SHC3: variants seen among roughly 807,000 people sequenced by gnomAD.
SHC3 encodes the protein SHC adaptor protein 3, also known as SHC-transforming protein 3.
A neutral mutation model predicts 60.4 loss-of-function variants in SHC3; 15 were observed. That is an observed-to-expected ratio of 0.25 (90% CI 0.17 to 0.38). The LOEUF (loss-of-function observed/expected upper bound fraction) is 0.38, where lower values mean the gene tolerates loss of function less well. Among genes scored for constraint, SHC3 ranks in the 10% least tolerant of loss-of-function variants. The pLI is 1.00. For synonymous variants in SHC3, 294 were observed against 325.9 expected (o/e 0.90, Z 1.05); for missense variants, 677 against 786.1 (o/e 0.86, Z 1.66).
chr9:89,160,042 C>T (rs1214395983), intron 1 of SHC3, among the ~76,000 whole-genome samples: 3 of 152,240 alleles, frequency 2.0e-5, no homozygotes, highest in Admixed American at 6.5e-5. Flanking sequence ...AGGGAAATCC[C>T]GGCCATGGGA....
At position 89,008,189 on chromosome 9, in the gene SHC3, C is replaced by A. The variant is rs1325997570; in HGVS notation, c.*5258G>T. Reference sequence around the variant, plus strand: ...TTGCAAACTTATAAATATGTATAAACCCCATTATAAATAAATTATGGCTGG... The same window carrying A: ...TTGCAAACTTATAAATATGTATAAAACCCATTATAAATAAATTATGGCTGG... On this transcript the variant is annotated 3_prime_UTR_variant, in exon 12 of 12. Coordinates refer to ENST00000375835, the MANE Select transcript of SHC3 (RefSeq NM_016848.6). 6.6e-6 allele frequency: 1 copy of A among 152,178 alleles called. No individual in the cohort carries two copies. Among genetic ancestry groups the A allele is most frequent in the East Asian group, 1.9e-4 (1 of 5,202 alleles). 9.4% of individuals were successfully genotyped at this position (152,178 alleles called of 1,614,324 possible). A position where few individuals can be genotyped will look rare whatever the true frequency, so the allele number is the denominator to read the frequency against.
rs894351215 is a variant in SHC3, at chr9:89,089,830, G to T, written c.546-11927C>A. Among the ~76,000 whole-genome samples, 3 of 152,178 alleles carry T rather than the reference G, an allele frequency of 2.0e-5. No individual in the cohort carries two copies. In the East Asian group the frequency reaches 5.8e-4, roughly 29 times the overall value. On this transcript the variant is annotated intron_variant, in intron 2 of 11. Coordinates refer to ENST00000375835, the MANE Select transcript of SHC3 (RefSeq NM_016848.6). The stretch of plus-strand genomic sequence containing the variant: ...AGCAGTCCACACAGCGACCCAGGAG[G>T]TCACACCACAGCCAGCACCTTCTTG...
rs7022911 is a variant in SHC3, at chr9:89,046,831, C to T, written c.1113+13G>A. On this transcript the variant is annotated intron_variant, in intron 8 of 11. Coordinates refer to ENST00000375835, the MANE Select transcript of SHC3 (RefSeq NM_016848.6). ...CTCCATTCCTTATATAAGAAAAAAA[C>T]TATAAGACTTACCTGGGCTGTGTCA... is the stretch of plus-strand genomic sequence containing the variant. The T allele has an allele frequency of 5.8e-6, 9 of 1,543,022 alleles. No homozygotes were observed. The highest frequency in any genetic ancestry group is 7.8e-6 in the Non-Finnish European group (9 of 1,148,186).
chr9:89,141,887 G>C (rs2118192838), intron 1 of SHC3, among the ~76,000 whole-genome samples: 1 of 152,246 alleles, frequency 6.6e-6, no homozygotes, highest in African/African-American at 2.4e-5. Context: ...GGGAGGCGAA[G>C]AGGTCAGGGA....
At chr9:89,070,318 AGGGT>A (rs1825249961) in intron 5 of SHC3, among the ~76,000 whole-genome samples, 5 of 152,144 alleles carry the variant, frequency 3.3e-5, no homozygotes, top group African/African-American at 4.8e-5. Context: ...AACTTTCCGG[AGGGT>A]GAGCCTTCTT....
At chr9:89,070,259 T>C (rs1461597775) in intron 5 of SHC3, among the ~76,000 whole-genome samples, 2 of 152,194 alleles carry the variant, frequency 1.3e-5, no homozygotes, top group African/African-American at 4.8e-5. Context: ...TTAAAACTTT[T>C]CTCCAAACTG....
At chr9:89,172,592 GAC>G (rs1266246494) in intron 1 of SHC3, among the ~76,000 whole-genome samples, 1 of 146,806 alleles carries the variant, frequency 6.8e-6, no homozygotes. Flanking sequence ...CACACACACA[GAC>G]ACACACACAC....
chr9:89,104,165 T>G (rs1291840201), intron 2 of SHC3, among the ~76,000 whole-genome samples: 1 of 150,284 alleles, frequency 6.7e-6, no homozygotes, highest in South Asian at 2.1e-4. Context: ...ATGAGTGGGA[T>G]CAATTGAAAA....
intron 1 of SHC3, among the ~76,000 whole-genome samples, chr9:89,138,885 G>C (rs10780224): frequency 0.21 from 32,133 of 152,046 alleles, 3,541 homozygotes; most frequent in African/African-American, 0.25. Flanking sequence ...TAGTAAGGGT[G>C]ATTCATGACT....
chr9:89,126,837 C>T (rs1235042018), intron 1 of SHC3, among the ~76,000 whole-genome samples: 3 of 152,114 alleles, frequency 2.0e-5, no homozygotes, highest in African/African-American at 4.8e-5. Context: ...AGAGGGGTAC[C>T]TTAGTATAGA....
rs1825931557 is a variant in SHC3 at position 89,005,851 on chromosome 9, T to A, written c.*7596A>T. 1 of 152,242 alleles carries A rather than the reference T, an allele frequency of 6.6e-6. No homozygotes were observed. The highest frequency in any genetic ancestry group is 6.5e-5 in the Admixed American group (1 of 15,278). The allele number at this position is 152,242 out of a possible 1,614,324, so 9.4% of individuals were successfully genotyped here. ...AATTAACTGTTTAGAAAATGGTTGT[T>A]TCTCTCAACCCTTGAGCCAGTTATT... On this transcript the variant is annotated 3_prime_UTR_variant, in exon 12 of 12. Coordinates refer to ENST00000375835, the MANE Select transcript of SHC3 (RefSeq NM_016848.6).
chr9:89,037,482 C>G (rs762896449), intron 11 of SHC3: 5 of 711,668 alleles, frequency 7.0e-6, no homozygotes, highest in South Asian at 6.1e-5. Context: ...TATTCAGATA[C>G]AGCTGTAGTG....
intron 2 of SHC3, among the ~76,000 whole-genome samples, chr9:89,104,319 T>A (rs1825826093): frequency 6.6e-6 from 1 of 152,188 alleles, no homozygotes; most frequent in African/African-American, 2.4e-5. Context: ...CTGAAAACTT[T>A]TTGGAAGTTC....
At chr9:89,066,613 T>A (rs902022303) in intron 5 of SHC3, among the ~76,000 whole-genome samples, 5 of 152,206 alleles carry the variant, frequency 3.3e-5, no homozygotes, top group Admixed American at 1.3e-4. Flanking sequence ...GCAAAGTTGG[T>A]ATTTTCGGCA....
At chr9:89,077,996 G>A in intron 2 of SHC3, 93 bp from the exon 3 acceptor site, 1 of 1,403,174 alleles carries the variant, frequency 7.1e-7, no homozygotes, top group South Asian at 1.2e-5. Context: ...GAAAATAACT[G>A]CCTGTTTATT....
Position 89,162,573 on chromosome 9 carries a change from G to A in SHC3, c.474+15414C>T, listed in dbSNP as rs1424728184. ...AGCTGAAACTGGATCCCTTCCTTACGCCTTATACAAAAATCAATTCAAGAT... is the reference window on the plus strand; with the variant it reads ...AGCTGAAACTGGATCCCTTCCTTACACCTTATACAAAAATCAATTCAAGAT... On this transcript the variant is annotated intron_variant, in intron 1 of 11. Coordinates refer to ENST00000375835, the MANE Select transcript of SHC3 (RefSeq NM_016848.6). 1.3e-4 allele frequency among the ~76,000 whole-genome samples: 19 copies of A among 151,984 alleles called. No homozygotes were observed. In the South Asian group the frequency reaches 1.5e-3, roughly 12 times the overall value.
intron 1 of SHC3, among the ~76,000 whole-genome samples, chr9:89,163,511 G>A (rs1393848163): frequency 1.4e-5 from 2 of 142,006 alleles, no homozygotes; most frequent in Non-Finnish European, 3.0e-5. Context: ...ACCAAACACC[G>A]CATATTCTCA....
intron 1 of SHC3, among the ~76,000 whole-genome samples, chr9:89,145,417 A>T (rs79947796): frequency 0.014 from 2,093 of 152,354 alleles, 49 homozygotes; most frequent in African/African-American, 0.045. Context: ...GACCACCCCT[A>T]GAGACAGTGC....
intron 11 of SHC3, among the ~76,000 whole-genome samples, chr9:89,015,529 A>G (rs540895392): frequency 2.6e-5 from 4 of 152,384 alleles, no homozygotes; most frequent in African/African-American, 9.6e-5. Context: ...AGCATATTTC[A>G]GTATACAGGC....
Sources: gnomAD v4.1 joint callset for allele counts (sites outside exome capture counted in the v4.1 genomes callset) on GRCh38, gnomAD v4.1.1 for gene constraint, MANE v1.5 for transcripts, NCBI Gene and HGNC (gene_info 2026-07-23, HGNC 2026-07-21) for gene names.